The following DPP10 variants were observed in gnomAD, a reference collection of about 807,000 sequenced individuals.
DPP10 encodes the protein dipeptidyl peptidase like 10.
Under a neutral mutation model 120.9 loss-of-function variants are expected in DPP10, and 33 were observed. The observed-to-expected ratio is 0.27, with a 90% confidence interval of 0.21 to 0.37. The LOEUF is 0.37. Ranked by LOEUF, DPP10 falls within the 10% of genes least tolerant of loss-of-function variation. DPP10 has a pLI of 1.00. For missense variants in DPP10, 816 were observed against 942.8 expected (o/e 0.87, Z 1.76); for synonymous variants, 337 against 326.1 (o/e 1.03, Z -0.36).
chr2:115,410,745 A>G (rs1299098723), intron 3 of DPP10, among the ~76,000 whole-genome samples: 2 of 152,204 alleles, frequency 1.3e-5, no homozygotes, highest in Non-Finnish European at 2.9e-5. Flanking sequence ...GTGTGCACCA[A>G]AATCTCCTAA....
intron 1 of DPP10, among the ~76,000 whole-genome samples, chr2:114,860,442 A>C (rs936276822): frequency 1.3e-5 from 2 of 152,206 alleles, no homozygotes; most frequent in African/African-American, 4.8e-5. Context: ...CCACAGGGTG[A>C]TTGGTGCTAG....
chr2:114,764,840 A>G (rs1230531862), intron 1 of DPP10, among the ~76,000 whole-genome samples: 4 of 152,206 alleles, frequency 2.6e-5, no homozygotes, highest in Non-Finnish European at 5.9e-5. Flanking sequence ...TTTGCAATTT[A>G]TGAATGCAAT....
intron 1 of DPP10, among the ~76,000 whole-genome samples, chr2:114,907,140 T>A (rs767530940): frequency 6.6e-6 from 1 of 151,482 alleles, no homozygotes; most frequent in Non-Finnish European, 1.5e-5. Context: ...CTTTCATATT[T>A]AAAAAAAAAT....
At chr2:115,257,442 G>A (rs1328991140) in intron 1 of DPP10, among the ~76,000 whole-genome samples, 2 of 152,182 alleles carry the variant, frequency 1.3e-5, no homozygotes, top group East Asian at 3.9e-4. Context: ...ATGGCAGAAG[G>A]CAAGGGGGAA....
At chr2:115,141,205 G>A (rs1219118899) in intron 1 of DPP10, among the ~76,000 whole-genome samples, 2 of 152,150 alleles carry the variant, frequency 1.3e-5, no homozygotes, top group East Asian at 3.9e-4. Context: ...AATTCTCATT[G>A]CTTCTACTCA....
chr2:115,476,789 AT>A (rs1473566055), intron 3 of DPP10, among the ~76,000 whole-genome samples: 1 of 152,200 alleles, frequency 6.6e-6, no homozygotes, highest in Non-Finnish European at 1.5e-5. Context: ...AACAAACTGA[AT>A]TTAGCAACAT....
At chr2:114,878,698 C>T (rs1460393173) in intron 1 of DPP10, among the ~76,000 whole-genome samples, 1 of 152,026 alleles carries the variant, frequency 6.6e-6, no homozygotes, top group African/African-American at 2.4e-5. Context: ...TCCTTATGTG[C>T]CTGGCTTACT....
At chr2:115,693,102 C>G (rs1333992105) in intron 7 of DPP10, among the ~76,000 whole-genome samples, 1 of 152,046 alleles carries the variant, frequency 6.6e-6, no homozygotes, top group Non-Finnish European at 1.5e-5. Context: ...TGTCCAGATA[C>G]CACAGATTAT....
rs1248039750 is a variant in DPP10 at position 115,644,572 on chromosome 2, A to G, written c.442-45115A>G. 4.0e-5 allele frequency among the ~76,000 whole-genome samples: 6 copies of G among 151,662 alleles called. No individual in the cohort carries two copies. In the East Asian group the frequency reaches 1.2e-3, roughly 29 times the overall value. On this transcript the variant is annotated intron_variant, in intron 5 of 25. Transcript: ENST00000410059. ...GATTACTTGAGGCTAGGAGTTCCAGACCAGCCTGGGCAGCGTAGAGACACT... is the reference window on the plus strand; with the variant it reads ...GATTACTTGAGGCTAGGAGTTCCAGGCCAGCCTGGGCAGCGTAGAGACACT...
At chr2:115,552,735 A>G (rs1023220868) in intron 5 of DPP10, among the ~76,000 whole-genome samples, 5 of 152,114 alleles carry the variant, frequency 3.3e-5, no homozygotes, top group Non-Finnish European at 7.4e-5. Context: ...TAAATTAAAT[A>G]TTTATTAATG....
At chr2:115,101,624 G>C (rs1271266334) in intron 1 of DPP10, among the ~76,000 whole-genome samples, 4 of 152,216 alleles carry the variant, frequency 2.6e-5, no homozygotes, top group African/African-American at 9.6e-5. Flanking sequence ...CTAATGGGTA[G>C]AATGAGTATT....
chr2:115,010,058 C>T (rs13411309), intron 1 of DPP10, among the ~76,000 whole-genome samples: 13,206 of 152,024 alleles, frequency 0.087, 667 homozygotes, highest in Non-Finnish European at 0.093. Context: ...TTGTAATTTA[C>T]GATTTTTACA....
At chr2:114,821,893 T>C (rs1366299443) in intron 1 of DPP10, among the ~76,000 whole-genome samples, 2 of 152,192 alleles carry the variant, frequency 1.3e-5, no homozygotes, top group African/African-American at 4.8e-5. Context: ...CCTGTGGTTT[T>C]GCAGAGTACA....
At chr2:114,892,534 A>G (rs1394630882) in intron 1 of DPP10, among the ~76,000 whole-genome samples, 1 of 152,250 alleles carries the variant, frequency 6.6e-6, no homozygotes, top group Non-Finnish European at 1.5e-5. Flanking sequence ...AAGGATCTAC[A>G]GAGCAGGTGA....
intron 1 of DPP10, among the ~76,000 whole-genome samples, chr2:114,591,774 C>T (rs111981922): frequency 0.023 from 3,520 of 151,940 alleles, 134 homozygotes; most frequent in African/African-American, 0.08. Context: ...AGGCTGGTCT[C>T]GAACTCCTGA....
chr2:115,104,923 T>C (rs1330408772), intron 1 of DPP10, among the ~76,000 whole-genome samples: 1 of 151,944 alleles, frequency 6.6e-6, no homozygotes, highest in South Asian at 2.1e-4. Flanking sequence ...GGAGAATTGC[T>C]TGAACCCAGG....
At chr2:115,338,419 A>T (rs984032218) in intron 2 of DPP10, among the ~76,000 whole-genome samples, 9 of 152,252 alleles carry the variant, frequency 5.9e-5, no homozygotes, top group African/African-American at 2.2e-4. Flanking sequence ...CACTGACACT[A>T]TGATCATTCA....
intron 3 of DPP10, among the ~76,000 whole-genome samples, chr2:115,405,139 C>T (rs1330488757): frequency 6.6e-6 from 1 of 152,150 alleles, no homozygotes; most frequent in African/African-American, 2.4e-5. Context: ...CAAAGTCCTT[C>T]CAGCTATAAG....
intron 1 of DPP10, among the ~76,000 whole-genome samples, chr2:114,876,419 GC>G (rs2106580778): frequency 6.6e-6 from 1 of 152,168 alleles, no homozygotes; most frequent in East Asian, 1.9e-4. Flanking sequence ...AGGCAGAGTA[GC>G]AAATTGGACA....
Sources: allele counts gnomAD v4.1 joint callset (sites outside exome capture counted in the v4.1 genomes callset), GRCh38; gene constraint gnomAD v4.1.1; transcripts MANE v1.5; gene names NCBI Gene and HGNC (gene_info 2026-07-23, HGNC 2026-07-21).